Variants in RB1CC1 observed in about 807,000 individuals in gnomAD.
The protein encoded by RB1CC1 is RB1 inducible coiled-coil 1, also known as RB1-inducible coiled-coil protein 1.
Under a neutral mutation model 177.5 loss-of-function variants are expected in RB1CC1, and 46 were observed. The ratio of observed to expected loss-of-function variants is 0.26; its 90% CI spans 0.20 to 0.33. The LOEUF (loss-of-function observed/expected upper bound fraction) is 0.33. Among genes scored for constraint, RB1CC1 ranks in the 10% least tolerant of loss-of-function variants. The pLI, the probability that RB1CC1 is intolerant of heterozygous loss-of-function variation, is 1.00. For missense variants in RB1CC1, 1,703 were observed against 1,816.3 expected (o/e 0.94, Z 1.13); for synonymous variants, 666 against 613.6 (o/e 1.09, Z -1.26).
intron 8 of RB1CC1, among the ~76,000 whole-genome samples, chr8:52,662,432 A>G (rs943834133): frequency 6.6e-6 from 1 of 152,092 alleles, no homozygotes; most frequent in African/African-American, 2.4e-5. Flanking sequence ...TTATCTCTCA[A>G]GTATATTTAG....
rs1851249326 is a variant in RB1CC1, at chr8:52,658,179, A to G, written c.1794-55T>C. 4.6e-6 allele frequency: 7 copies of G among 1,511,580 alleles called. No homozygotes were observed. The East Asian group carries it at 1.6e-4, about 34-fold the overall frequency. 93.6% of individuals were successfully genotyped at this position (1,511,580 alleles called of 1,614,324 possible). ...CTGATTTTTTAATGAACTAGTAGAT[A>G]ACTGCTACCAAATATTTTAATATGT... On this transcript the variant is annotated intron_variant, in intron 13 of 23. Transcript: ENST00000025008.
intron 7 of RB1CC1, among the ~76,000 whole-genome samples, chr8:52,671,299 A>C (rs967688215): frequency 6.6e-6 from 1 of 152,232 alleles, no homozygotes; most frequent in Non-Finnish European, 1.5e-5. Flanking sequence ...ATACTGTTAC[A>C]ATTGGAATTA....
chr8:52,694,294 G>A (rs1855171784), intron 1 of RB1CC1, among the ~76,000 whole-genome samples: 1 of 152,194 alleles, frequency 6.6e-6, no homozygotes, highest in Non-Finnish European at 1.5e-5. Flanking sequence ...TCAGGAAGAA[G>A]AGGAGGGTGA....
intron 15 of RB1CC1, among the ~76,000 whole-genome samples, chr8:52,651,173 G>C (rs896505108): frequency 2.6e-5 from 4 of 152,188 alleles, no homozygotes; most frequent in African/African-American, 9.6e-5. Flanking sequence ...ATTTATACGG[G>C]TGTAATGACC....
chr8:52,700,081 A>G (rs1476274358), intron 1 of RB1CC1, among the ~76,000 whole-genome samples: 1 of 151,882 alleles, frequency 6.6e-6, no homozygotes, highest in Non-Finnish European at 1.5e-5. Flanking sequence ...ATCCCCTCCC[A>G]TAATTCATGC....
rs187531557 is a variant in RB1CC1, at chr8:52,694,372, G to A, written c.-166-7405C>T. Among the ~76,000 whole-genome samples the A allele has an allele frequency of 9.2e-3, 1,374 of 148,654 alleles. 18 individuals are homozygous for A. Among genetic ancestry groups the A allele is most frequent in the South Asian group, 0.021 (103 of 4,816 alleles). On this transcript the variant is annotated intron_variant, in intron 1 of 23. Transcript: ENST00000025008. Reference sequence around the variant, plus strand: ...CTCTACTCCCAGGCTCATCCCCCCCGGGTAGTCCCCTGTGGATCCGGAGAC... The same window carrying A: ...CTCTACTCCCAGGCTCATCCCCCCCAGGTAGTCCCCTGTGGATCCGGAGAC...
At chr8:52,637,556 TGTTA>T (rs1849242173) in intron 18 of RB1CC1, among the ~76,000 whole-genome samples, 1 of 152,198 alleles carries the variant, frequency 6.6e-6, no homozygotes, top group Admixed American at 6.6e-5. Flanking sequence ...TGAACTAGTT[TGTTA>T]ATTACAGTAT....
At chr8:52,675,714 C>CAAAAAAAAAAAA (rs1306544323) in intron 6 of RB1CC1, among the ~76,000 whole-genome samples, 3 of 61,242 alleles carry the variant, frequency 4.9e-5, no homozygotes, top group South Asian at 1.4e-3. Flanking sequence ...ACTAAAAATC[C>CAAAAAAAAAAAA]AAAAAAAAAA....
intron 9 of RB1CC1, 115 bp downstream of exon 9, chr8:52,661,420 T>G: frequency 6.9e-7 from 1 of 1,452,278 alleles, no homozygotes; most frequent in Non-Finnish European, 9.3e-7. Context: ...ATTCCAAAGT[T>G]CATCAATAAG....
chr8:52,628,796 G>C (rs1848564245), intron 21 of RB1CC1, among the ~76,000 whole-genome samples: 1 of 152,140 alleles, frequency 6.6e-6, no homozygotes, highest in Admixed American at 6.5e-5. Context: ...AACATCAAAA[G>C]GCCTTGAAAA....
At chr8:52,694,901 CA>C (rs1318004244) in intron 1 of RB1CC1, among the ~76,000 whole-genome samples, 1 of 152,146 alleles carries the variant, frequency 6.6e-6, no homozygotes, top group Non-Finnish European at 1.5e-5. Context: ...TCATTTAATT[CA>C]AATATCCAAA....
intron 8 of RB1CC1, 145 bp downstream of exon 8, chr8:52,667,876 T>G (rs973981277): frequency 3.8e-6 from 3 of 779,514 alleles, no homozygotes; most frequent in Middle Eastern, 3.3e-4. Flanking sequence ...CTTTTCTGTT[T>G]TATTACAAGG....
intron 1 of RB1CC1, among the ~76,000 whole-genome samples, chr8:52,690,562 G>A (rs536005741): frequency 3.9e-5 from 6 of 152,266 alleles, no homozygotes; most frequent in South Asian, 2.1e-4. Context: ...ACATTTAAAC[G>A]GTATTGTTGG....
At chr8:52,630,827 G>A (rs955788498) in intron 20 of RB1CC1, among the ~76,000 whole-genome samples, 1 of 152,176 alleles carries the variant, frequency 6.6e-6, no homozygotes, top group Non-Finnish European at 1.5e-5. Flanking sequence ...TAATGCATTA[G>A]ATTCAAAATC....
Position 52,642,558 on chromosome 8 carries a change from C to T in RB1CC1, c.4130G>A (p.Arg1377His), listed in dbSNP as rs768037976. The change falls in exon 18 of 24, where the codon CGT becomes CAT. Residue 1377 changes from arginine to histidine, a missense_variant. By Grantham distance (29) the Arg-to-His change is conservative (BLOSUM62 0). This residue lies in a region of RB1CC1 where 1,169 missense variants were observed against 1,184.7 expected (regional missense o/e 0.99). Coordinates refer to ENST00000025008, the MANE Select transcript of RB1CC1 (RefSeq NM_014781.5). ...LIESLSEDRARLLEEKKKLEE... is the reference protein window; with the variant it reads ...LIESLSEDRAHLLEEKKKLEE... ...AAGCTTTTTCTTTTCCTCAAGCAAA[C>T]GAGCTCGATCTTCAGAAAGTGACTC... 51 of 1,613,804 alleles carry T rather than the reference C, an allele frequency of 3.2e-5. No homozygotes were observed. The highest frequency in any genetic ancestry group is 5.0e-5 in the Admixed American group (3 of 60,000).
At chr8:52,660,549 T>A (rs960335367) in intron 12 of RB1CC1, 47 bp downstream of exon 12, 4 of 1,481,828 alleles carry the variant, frequency 2.7e-6, no homozygotes, top group Non-Finnish European at 2.8e-6. Flanking sequence ...GGAAAAAAGG[T>A]TTTAAAACAT....
intron 18 of RB1CC1, among the ~76,000 whole-genome samples, chr8:52,641,348 C>T (rs994937207): frequency 5.2e-5 from 7 of 133,486 alleles, no homozygotes; most frequent in African/African-American, 2.0e-4. Context: ...TGTGCCATCA[C>T]ACTCCACCCT....
intron 15 of RB1CC1, among the ~76,000 whole-genome samples, chr8:52,652,860 C>G (rs1036309176): frequency 6.6e-6 from 1 of 151,632 alleles, no homozygotes; most frequent in African/African-American, 2.4e-5. Context: ...GAGTTCGAGA[C>G]CAGCCTGACC....
chr8:52,690,701 T>C (rs977425471), intron 1 of RB1CC1, among the ~76,000 whole-genome samples: 1 of 152,200 alleles, frequency 6.6e-6, no homozygotes, highest in African/African-American at 2.4e-5. Context: ...TTCCTTTGAA[T>C]ATTATCTTTT....
Sources: gnomAD v4.1 joint callset for allele counts (sites outside exome capture counted in the v4.1 genomes callset) on GRCh38, gnomAD v4.1.1 for gene constraint, gnomAD v4.1.1 regional missense constraint, MANE v1.5 for transcripts, NCBI Gene and HGNC (gene_info 2026-07-23, HGNC 2026-07-21) for gene names.